Variants in TCF4 observed in about 807,000 individuals in gnomAD.
TCF4 encodes transcription factor 4.
TCF4 carries 3 observed loss-of-function variants against 82.1 expected under a neutral mutation model. The observed-to-expected ratio is 0.04, with a 90% CI of 0.02 to 0.09. TCF4 has a LOEUF of 0.09. Ranked by LOEUF, TCF4 falls within the 10% of genes least tolerant of loss-of-function variation. The pLI is 1.00. For synonymous variants in TCF4, 276 were observed against 309.6 expected (o/e 0.89, Z 1.14); for missense variants, 518 against 852.7 (o/e 0.61, Z 4.89).
intron 6 of TCF4, among the ~76,000 whole-genome samples, chr18:55,379,331 A>G (rs1413407050): frequency 6.6e-6 from 1 of 152,240 alleles, no homozygotes; most frequent in East Asian, 1.9e-4. Context: ...AGCAGGTTGT[A>G]CATTGGACAA....
intron 5 of TCF4, among the ~76,000 whole-genome samples, chr18:55,427,404 A>G (rs1313775232): frequency 6.6e-6 from 1 of 152,200 alleles, no homozygotes; most frequent in Non-Finnish European, 1.5e-5. Flanking sequence ...TATTAACTAC[A>G]TTAATAATAA....
chr18:55,362,270 C>T (rs893841877), intron 6 of TCF4, among the ~76,000 whole-genome samples: 13 of 150,386 alleles, frequency 8.6e-5, no homozygotes, highest in South Asian at 2.1e-4. Context: ...GAGTTATGAT[C>T]GCACCACTGC....
chr18:55,232,369 T>C (rs928398065), intron 17 of TCF4, 140 bp downstream of exon 17: 6 of 892,372 alleles, frequency 6.7e-6, no homozygotes, highest in Non-Finnish European at 1.0e-5. Flanking sequence ...CTTTTAGTAC[T>C]TCTAGAGTAG....
At chr18:55,280,777 A>C (rs138522003) in intron 8 of TCF4, among the ~76,000 whole-genome samples, 1 of 151,190 alleles carries the variant, frequency 6.6e-6, no homozygotes, top group Admixed American at 6.6e-5. Flanking sequence ...AATAACTCTC[A>C]TTTTTTTTTA....
chr18:55,281,051 AT>A (rs1253043585), intron 8 of TCF4, among the ~76,000 whole-genome samples: 2 of 152,068 alleles, frequency 1.3e-5, no homozygotes, highest in Non-Finnish European at 2.9e-5. Flanking sequence ...GAAAACAGGG[AT>A]TTTTCTTAAG....
intron 6 of TCF4, among the ~76,000 whole-genome samples, chr18:55,355,193 T>C (rs2083201636): frequency 6.6e-6 from 1 of 152,172 alleles, no homozygotes; most frequent in South Asian, 2.1e-4. Flanking sequence ...TGAACCACTA[T>C]AAAACTTATG....
intron 2 of TCF4, among the ~76,000 whole-genome samples, chr18:55,607,735 T>C (rs527522667): frequency 2.6e-5 from 4 of 152,212 alleles, no homozygotes; most frequent in Non-Finnish European, 4.4e-5. Context: ...CCAAATGCTA[T>C]CATTCCGTCA....
intron 5 of TCF4, among the ~76,000 whole-genome samples, chr18:55,406,192 T>C (rs1462746660): frequency 2.0e-5 from 3 of 150,880 alleles, no homozygotes; most frequent in African/African-American, 7.3e-5. Context: ...TAGCATCCAC[T>C]TTTACCATCA....
At chr18:55,275,242 C>T (rs1215799360) in intron 10 of TCF4, among the ~76,000 whole-genome samples, 1 of 147,018 alleles carries the variant, frequency 6.8e-6, no homozygotes, top group Non-Finnish European at 1.5e-5. Flanking sequence ...TGTCACTCTG[C>T]CCTCTGCAGT....
intron 2 of TCF4, chr18:55,596,262 A>G (rs2097690872): frequency 6.5e-6 from 2 of 309,468 alleles, no homozygotes; most frequent in Admixed American, 9.1e-5. Flanking sequence ...TCTTCATTGC[A>G]TTGGCTGTCA....
At chr18:55,266,292 C>T (rs1267299967) in intron 11 of TCF4, 5 of 152,122 alleles carry the variant, frequency 3.3e-5, no homozygotes, top group South Asian at 2.1e-4. Flanking sequence ...CTTCCTCCTC[C>T]GTATGTATGC....
chr18:55,350,288 C>G, intron 8 of TCF4, 71 bp downstream of exon 8: 1 of 1,506,140 alleles, frequency 6.6e-7, no homozygotes, highest in South Asian at 1.1e-5. Flanking sequence ...TCATTTACTT[C>G]TATCTCCTTC....
At chr18:55,560,329 G>A (rs905527803) in intron 3 of TCF4, among the ~76,000 whole-genome samples, 3 of 152,122 alleles carry the variant, frequency 2.0e-5, no homozygotes, top group Admixed American at 6.5e-5. Flanking sequence ...TGAAATTACC[G>A]ACTTTTCATA....
At chr18:55,401,001 C>T in intron 6 of TCF4, 3 of 1,289,078 alleles carry the variant, frequency 2.3e-6, no homozygotes, top group Non-Finnish European at 3.0e-6. Flanking sequence ...AGTCACTCAC[C>T]TTGTCACACA....
intron 3 of TCF4, among the ~76,000 whole-genome samples, chr18:55,539,347 AGTT>A (rs2097145466): frequency 1.3e-5 from 2 of 152,200 alleles, no homozygotes; most frequent in Non-Finnish European, 2.9e-5. Context: ...GCAAAGAAAG[AGTT>A]GCCTATGAGT....
intron 8 of TCF4, among the ~76,000 whole-genome samples, chr18:55,286,982 G>A (rs1194245069): frequency 1.3e-5 from 2 of 152,046 alleles, no homozygotes; most frequent in African/African-American, 4.8e-5. Flanking sequence ...ATCAGTTGGA[G>A]TATTTAAAAG....
chr18:55,561,505 A>G (rs2097354721), intron 3 of TCF4, among the ~76,000 whole-genome samples: 1 of 152,212 alleles, frequency 6.6e-6, no homozygotes, highest in African/African-American at 2.4e-5. Flanking sequence ...ACACAGTGCT[A>G]TACGATGCAA....
In TCF4 at chr18:55,633,480, C is replaced by T. The variant is rs1202438090; in HGVS notation, c.196-2092G>A. On this transcript the variant is annotated intron_variant, in intron 1 of 20. Transcript: ENST00000398339. The surrounding 1 kb of genome is among the most constrained non-coding windows in gnomAD (Gnocchi z 4.0). ...CACACACTGACACCTCTGCCATGTC[C>T]TATTTGTTGCAAGCAAGTCACGAAT... 6.6e-6 allele frequency among the ~76,000 whole-genome samples: 1 copy of T among 152,140 alleles called. No homozygotes were observed. Among genetic ancestry groups the T allele is most frequent in the Non-Finnish European group, 1.5e-5 (1 of 68,022 alleles).
chr18:55,256,032 C>T (rs1348672207), intron 14 of TCF4, among the ~76,000 whole-genome samples: 1 of 152,072 alleles, frequency 6.6e-6, no homozygotes, highest in African/African-American at 2.4e-5. Context: ...ACGTATTTGG[C>T]CTTGGAAAAG....
Sources: allele counts gnomAD v4.1 joint callset (sites outside exome capture counted in the v4.1 genomes callset), GRCh38; gene constraint gnomAD v4.1.1; non-coding constraint Gnocchi (gnomAD v3.1); transcripts MANE v1.5; gene names NCBI Gene and HGNC (gene_info 2026-07-23, HGNC 2026-07-21).